The following TFB2M variants were observed in gnomAD, a reference collection of about 807,000 sequenced individuals.
The protein encoded by TFB2M is transcription factor B2, mitochondrial, also known as dimethyladenosine transferase 2, mitochondrial.
TFB2M carries 44 observed loss-of-function variants against 41.3 expected under a neutral mutation model. The ratio of observed to expected loss-of-function variants is 1.07; its 90% CI spans 0.84 to 1.37. The LOEUF (loss-of-function observed/expected upper bound fraction) is 1.37. Ranked by LOEUF, TFB2M falls within the 40% of genes most tolerant of loss-of-function variation. TFB2M has a pLI of 0.00. For missense variants in TFB2M, 496 were observed against 490.2 expected (o/e 1.01, Z -0.11); for synonymous variants, 188 against 176.8 (o/e 1.06, Z -0.50).
chr1:246,544,398 G>A (rs1268228977), intron 7 of TFB2M, 123 bp downstream of exon 7: 1 of 888,038 alleles, frequency 1.1e-6, no homozygotes, highest in East Asian at 2.8e-5. Context: ...TTATTTTGAA[G>A]AAATATGAGG....
At chr1:246,565,523 C>T (rs1289702444) in intron 1 of TFB2M, among the ~76,000 whole-genome samples, 2 of 152,174 alleles carry the variant, frequency 1.3e-5, no homozygotes, top group African/African-American at 4.8e-5. Context: ...ACCATCCTGG[C>T]CAACACGGCG....
chr1:246,559,936 A>G (rs1179781875), intron 2 of TFB2M, among the ~76,000 whole-genome samples: 1 of 152,204 alleles, frequency 6.6e-6, no homozygotes, highest in African/African-American at 2.4e-5. Context: ...AAGCTAAAAG[A>G]AAGAGTACCT....
At chr1:246,556,759 C>T in intron 3 of TFB2M, 38 bp from the exon 4 acceptor site, 1 of 1,511,328 alleles carries the variant, frequency 6.6e-7, no homozygotes, top group Non-Finnish European at 8.8e-7. Context: ...GAATAAAGTT[C>T]TTAGCATTTT....
chr1:246,557,071 T>G (rs1558513409), intron 3 of TFB2M, among the ~76,000 whole-genome samples: 1 of 152,024 alleles, frequency 6.6e-6, no homozygotes, highest in Non-Finnish European at 1.5e-5. Flanking sequence ...GGCTGGAGTT[T>G]GAGACCAGCC....
rs143392079 is a variant in TFB2M, at chr1:246,566,093, C to A, written c.46G>T (p.Ala16Ser). Residue 16 changes from alanine (A) to serine (S), a missense_variant, in exon 1 of 8, where the codon GCC (alanine) becomes TCC (serine). Coordinates refer to ENST00000366514, the MANE Select transcript of TFB2M (RefSeq NM_022366.3). Reference sequence around the variant, plus strand: ...CAAAAGCGACCAGCGCCCGCCAAGGCGGAGAGCCTCAGCCGCCGAGGAAGC... The same window carrying A: ...CAAAAGCGACCAGCGCCCGCCAAGGAGGAGAGCCTCAGCCGCCGAGGAAGC... ...VGLPRRLRLS[A>S]LAGAGRFCIL... is the part of the protein sequence containing the mutation. 166 of 1,612,484 alleles carry A rather than the reference C, an allele frequency of 1.0e-4. 1 individual carries two copies. In the African/African-American group the frequency reaches 1.8e-3, roughly 17 times the overall value.
chr1:246,555,495 C>T (rs1156928747), intron 4 of TFB2M, among the ~76,000 whole-genome samples: 1 of 151,928 alleles, frequency 6.6e-6, no homozygotes, highest in African/African-American at 2.4e-5. Context: ...TCGCTTGAGC[C>T]CAGGAGGTCC....
rs548330789 is a variant in TFB2M, at chr1:246,565,749, A to C, written c.313+77T>G. ...AACAAAAAAGACCCCCCAGTATCTA[A>C]AATAGCACCCCGAGGAGGGTCAATA... On this transcript the variant is annotated intron_variant, in intron 1 of 7. Transcript: ENST00000366514. 82 of 1,476,582 alleles carry C rather than the reference A, an allele frequency of 5.6e-5. No individual in the cohort carries two copies. In the African/African-American group the frequency reaches 1.1e-3, roughly 20 times the overall value. The allele number at this position is 1,476,582 out of a possible 1,614,324, so 91.5% of individuals were successfully genotyped here. A position where few individuals can be genotyped will look rare whatever the true frequency, so the allele number is the denominator to read the frequency against.
At chr1:246,548,988 TACTA>T (rs1659096187) in intron 5 of TFB2M, among the ~76,000 whole-genome samples, 1 of 152,228 alleles carries the variant, frequency 6.6e-6, no homozygotes, top group African/African-American at 2.4e-5. Flanking sequence ...TGGAAAAGCC[TACTA>T]ATCAAACTAT....
In TFB2M at chr1:246,554,565, C is replaced by T. The variant is rs76617532; in HGVS notation, c.705+2008G>A. On this transcript the variant is annotated intron_variant, in intron 4 of 7. Coordinates refer to ENST00000366514, the MANE Select transcript of TFB2M (RefSeq NM_022366.3). ...CCGATGATCTGTCACTATCTCCTGT[C>T]ACCCGCAAGTAGGACCATCTAGTTT... Among the ~76,000 whole-genome samples the T allele has an allele frequency of 2.0e-3, 299 of 152,292 alleles. 2 individuals carry two copies. Among genetic ancestry groups the T allele is most frequent in the African/African-American group, 6.9e-3 (285 of 41,546 alleles).
chr1:246,541,244 A>C, intron 7 of TFB2M, 42 bp from the exon 8 acceptor site: 1 of 1,581,578 alleles, frequency 6.3e-7, no homozygotes, highest in Non-Finnish European at 8.6e-7. Context: ...ATTCTTTCTC[A>C]TGCATCTATC....
At chr1:246,548,647 C>G in intron 5 of TFB2M, 40 bp from the exon 6 acceptor site, 3 of 1,591,074 alleles carry the variant, frequency 1.9e-6, no homozygotes, top group Non-Finnish European at 2.6e-6. Context: ...TCTTTTATTT[C>G]TCTTTGGTCA....
chr1:246,553,929 C>A (rs1010759250), intron 4 of TFB2M, among the ~76,000 whole-genome samples: 1 of 152,138 alleles, frequency 6.6e-6, no homozygotes, highest in African/African-American at 2.4e-5. Flanking sequence ...GATGAATCAG[C>A]CCCTGATTTC....
chr1:246,557,131 C>T (rs1659345245), intron 3 of TFB2M, among the ~76,000 whole-genome samples: 2 of 151,984 alleles, frequency 1.3e-5, no homozygotes, highest in African/African-American at 4.8e-5. Flanking sequence ...AAAAAATAAC[C>T]AGGTGTGGTG....
At chr1:246,549,204 A>G (rs1659104977) in intron 5 of TFB2M, among the ~76,000 whole-genome samples, 1 of 152,124 alleles carries the variant, frequency 6.6e-6, no homozygotes, top group Non-Finnish European at 1.5e-5. Context: ...CAACAATAAC[A>G]AAAACCTAGT....
intron 4 of TFB2M, among the ~76,000 whole-genome samples, 163 bp downstream of exon 4, chr1:246,556,407 CTGT>C (rs1558513166): frequency 2.0e-5 from 3 of 152,110 alleles, no homozygotes; most frequent in Non-Finnish European, 4.4e-5. Context: ...AACCACTCAA[CTGT>C]ACACTGAAAA....
intron 5 of TFB2M, 126 bp from the exon 6 acceptor site, chr1:246,548,733 G>A (rs960240097): frequency 2.8e-6 from 2 of 716,828 alleles, no homozygotes; most frequent in African/African-American, 3.5e-5. Context: ...GGATTTAAAA[G>A]AAACATGTTA....
intron 6 of TFB2M, among the ~76,000 whole-genome samples, chr1:246,547,274 G>A (rs1172551495): frequency 6.6e-6 from 1 of 152,028 alleles, no homozygotes; most frequent in Non-Finnish European, 1.5e-5. Context: ...GAGCCACCAC[G>A]TCCGGCCAAG....
intron 6 of TFB2M, among the ~76,000 whole-genome samples, chr1:246,547,350 T>C (rs3129571): frequency 0.22 from 33,232 of 152,158 alleles, 4,152 homozygotes; most frequent in Middle Eastern, 0.4. Flanking sequence ...ACTGAGAAAG[T>C]ATATTATATA....
chr1:246,541,426 T>C (rs1347499756), intron 7 of TFB2M, among the ~76,000 whole-genome samples: 1 of 17,786 alleles, frequency 5.6e-5, no homozygotes, highest in Non-Finnish European at 9.3e-5. Context: ...TGTACACTAT[T>C]TGGGCATGGG....
Sources: gnomAD v4.1 joint callset for allele counts (sites outside exome capture counted in the v4.1 genomes callset) on GRCh38, gnomAD v4.1.1 for gene constraint, MANE v1.5 for transcripts, NCBI Gene and HGNC (gene_info 2026-07-23, HGNC 2026-07-21) for gene names.